Variants in AFG1L observed in about 807,000 individuals in gnomAD.
The protein encoded by AFG1L is AFG1 like ATPase.
AFG1L carries 53 observed loss-of-function variants against 62.2 expected under a neutral mutation model. That is an observed-to-expected ratio of 0.85 (90% CI 0.68 to 1.07). The LOEUF is 1.07. AFG1L is among the 50% of genes least tolerant of loss of function. AFG1L has a pLI of 0.00. For synonymous variants in AFG1L, 228 were observed against 210.3 expected (o/e 1.08, Z -0.73); for missense variants, 555 against 590.5 (o/e 0.94, Z 0.62).
intron 7 of AFG1L, among the ~76,000 whole-genome samples, chr6:108,444,173 A>G (rs1771670063): frequency 6.6e-6 from 1 of 152,172 alleles, no homozygotes; most frequent in Non-Finnish European, 1.5e-5. Context: ...CAGTATTGCA[A>G]TAAAATGAGT....
intron 3 of AFG1L, among the ~76,000 whole-genome samples, chr6:108,349,183 A>G (rs900197140): frequency 1.3e-5 from 2 of 152,056 alleles, no homozygotes; most frequent in African/African-American, 4.8e-5. Flanking sequence ...AGTTCAGACC[A>G]CTTATAAAAT....
At chr6:108,373,072 G>A (rs969322866) in intron 6 of AFG1L, 2 of 151,926 alleles carry the variant, frequency 1.3e-5, no homozygotes, top group Admixed American at 6.6e-5. Flanking sequence ...GGGGGTACAC[G>A]TGCAGGTTTG....
chr6:108,460,800 AC>A (rs1171046359), intron 8 of AFG1L, among the ~76,000 whole-genome samples: 1 of 152,122 alleles, frequency 6.6e-6, no homozygotes, highest in Non-Finnish European at 1.5e-5. Context: ...TACTAAAAAT[AC>A]AAAAAATTAG....
intron 8 of AFG1L, among the ~76,000 whole-genome samples, chr6:108,460,976 A>ACAG (rs772581864): frequency 6.6e-6 from 1 of 152,146 alleles, no homozygotes; most frequent in Non-Finnish European, 1.5e-5. Flanking sequence ...AACAACAACA[A>ACAG]CAACAATGAC....
chr6:108,521,819 C>G (rs911596597), intron 12 of AFG1L: 1 of 153,110 alleles, frequency 6.5e-6, no homozygotes, highest in Non-Finnish European at 1.5e-5. Context: ...TAAAAACAGC[C>G]CTGCCTTTCA....
chr6:108,350,037 A>G (rs964257465), intron 3 of AFG1L, among the ~76,000 whole-genome samples: 1 of 151,324 alleles, frequency 6.6e-6, no homozygotes, highest in Non-Finnish European at 1.5e-5. Flanking sequence ...GCCTGGCCAA[A>G]ATGGTGAAAC....
chr6:108,324,810 C>T (rs531406108), intron 2 of AFG1L, among the ~76,000 whole-genome samples: 2 of 152,136 alleles, frequency 1.3e-5, no homozygotes, highest in African/African-American at 4.8e-5. Flanking sequence ...CGTCCTGCCT[C>T]AGCCTCCCAA....
chr6:108,451,126 GA>G (rs1772037003), intron 8 of AFG1L, among the ~76,000 whole-genome samples: 1 of 152,010 alleles, frequency 6.6e-6, no homozygotes, highest in African/African-American at 2.4e-5. Context: ...CCAACTGCCA[GA>G]AAACAAACAA....
intron 2 of AFG1L, among the ~76,000 whole-genome samples, chr6:108,327,893 C>T (rs543612854): frequency 6.6e-6 from 1 of 152,146 alleles, no homozygotes; most frequent in Non-Finnish European, 1.5e-5. Flanking sequence ...TCTTAGAGGC[C>T]GTTAACCAGC....
At chr6:108,348,873 A>G (rs752716300) in intron 3 of AFG1L, among the ~76,000 whole-genome samples, 1 of 152,248 alleles carries the variant, frequency 6.6e-6, no homozygotes, top group Non-Finnish European at 1.5e-5. Flanking sequence ...GGAGATGGTT[A>G]AAGAAGCATA....
intron 11 of AFG1L, among the ~76,000 whole-genome samples, chr6:108,512,167 C>T (rs1774678244): frequency 6.6e-6 from 1 of 152,166 alleles, no homozygotes; most frequent in Non-Finnish European, 1.5e-5. Context: ...TCATGTTTCT[C>T]AGGTGCTTCT....
At chr6:108,477,134 A>G (rs1773136399) in intron 9 of AFG1L, 58 bp from the exon 10 acceptor site, 5 of 1,172,890 alleles carry the variant, frequency 4.3e-6, no homozygotes, top group Non-Finnish European at 6.2e-6. Flanking sequence ...TATCTGTAAG[A>G]GATGAATTTT....
intron 10 of AFG1L, among the ~76,000 whole-genome samples, chr6:108,497,698 A>G (rs1193843282): frequency 6.6e-6 from 1 of 152,224 alleles, no homozygotes; most frequent in Non-Finnish European, 1.5e-5. Context: ...AAATGAACAT[A>G]AAATAAATGA....
At chr6:108,502,949 C>T (rs1399216773) in intron 10 of AFG1L, among the ~76,000 whole-genome samples, 1 of 152,188 alleles carries the variant, frequency 6.6e-6, no homozygotes, top group Non-Finnish European at 1.5e-5. Context: ...GATTCCATCT[C>T]AAGAAACCAC....
At chr6:108,300,136 G>A (rs985185991) in intron 1 of AFG1L, among the ~76,000 whole-genome samples, 1 of 150,378 alleles carries the variant, frequency 6.6e-6, no homozygotes, top group Non-Finnish European at 1.5e-5. Context: ...ATACATAGGA[G>A]TTTATTCCCT....
chr6:108,400,191 A>G (rs1361989101), intron 6 of AFG1L, among the ~76,000 whole-genome samples: 1 of 151,820 alleles, frequency 6.6e-6, no homozygotes, highest in Non-Finnish European at 1.5e-5. Context: ...TTTCTTTCTC[A>G]TGTGATTGCT....
intron 6 of AFG1L, among the ~76,000 whole-genome samples, chr6:108,371,035 G>C (rs1414039999): frequency 4.6e-5 from 7 of 152,112 alleles, no homozygotes; most frequent in Non-Finnish European, 8.8e-5. Flanking sequence ...AGGTACCAAA[G>C]ACTGCTTTCC....
intron 10 of AFG1L, among the ~76,000 whole-genome samples, chr6:108,503,139 CTCT>C (rs1774269706): frequency 6.6e-6 from 1 of 152,164 alleles, no homozygotes. Flanking sequence ...GGTTGGAATC[CTCT>C]TCTTCTAAAC....
At chr6:108,383,053 C>T (rs755501194) in intron 6 of AFG1L, among the ~76,000 whole-genome samples, 8 of 152,150 alleles carry the variant, frequency 5.3e-5, no homozygotes, top group Non-Finnish European at 1.0e-4. Context: ...GCTTGGCCCA[C>T]ATGGTAAAAC....
Sources: gnomAD v4.1 joint callset for allele counts (sites outside exome capture counted in the v4.1 genomes callset) on GRCh38, gnomAD v4.1.1 for gene constraint, MANE v1.5 for transcripts, NCBI Gene and HGNC (gene_info 2026-07-23, HGNC 2026-07-21) for gene names.